LMLN: variants seen among roughly 807,000 people sequenced by gnomAD.
LMLN encodes leishmanolysin-like peptidase.
In LMLN, 70 loss-of-function variants were observed where a neutral mutation model predicts 92.3. That is an observed-to-expected ratio of 0.76 (90% CI 0.63 to 0.92). The LOEUF is 0.92. LMLN is among the 40% of genes least tolerant of loss of function. The probability of loss-of-function intolerance (pLI) is 0.00; values close to 1 mark genes in which losing one functional copy is unlikely to be tolerated. For missense variants in LMLN, 691 were observed against 814.6 expected (o/e 0.85, Z 1.85); for synonymous variants, 308 against 296.2 (o/e 1.04, Z -0.41).
intron 1 of LMLN, among the ~76,000 whole-genome samples, chr3:197,964,323 C>A (rs1481466885): frequency 6.6e-6 from 1 of 151,636 alleles, no homozygotes; most frequent in Non-Finnish European, 1.5e-5. Context: ...CTAAGTACAA[C>A]TTTAGCTGCT....
chr3:197,991,150 C>A (rs1222435213), intron 9 of LMLN, among the ~76,000 whole-genome samples: 2 of 148,938 alleles, frequency 1.3e-5, no homozygotes, highest in East Asian at 3.9e-4. Flanking sequence ...ACTCTGTCAC[C>A]CAGGCTGGAG....
intron 11 of LMLN, among the ~76,000 whole-genome samples, chr3:198,000,508 A>G (rs748540390): frequency 6.6e-6 from 1 of 151,948 alleles, no homozygotes; most frequent in Non-Finnish European, 1.5e-5. Flanking sequence ...GCTCACTGCA[A>G]CCTCCACCTC....
chr3:198,010,877 A>C (rs534427219), intron 11 of LMLN, among the ~76,000 whole-genome samples: 5 of 152,092 alleles, frequency 3.3e-5, no homozygotes, highest in African/African-American at 1.2e-4. Flanking sequence ...ACAAATTCCA[A>C]TATGTTATAT....
chr3:197,988,156 C>CT (rs996764695), intron 8 of LMLN, among the ~76,000 whole-genome samples: 43 of 146,624 alleles, frequency 2.9e-4, no homozygotes, highest in East Asian at 3.9e-4. Context: ...ATTCATCTAT[C>CT]TTTTTTTTTT....
At chr3:197,960,434 C>T in exon 1 of LMLN, 4 of 1,613,388 alleles carry the variant, frequency 2.5e-6, no homozygotes, top group Non-Finnish European at 3.4e-6. Flanking sequence ...TCCCCTCTGA[C>T]ACTGAGGTAG....
exon 13 of LMLN, chr3:198,021,487 T>G (rs1444817993): frequency 2.5e-6 from 4 of 1,614,150 alleles, no homozygotes; most frequent in South Asian, 2.2e-5. Context: ...AAGATTTGCC[T>G]TATTATGGTG....
At chr3:198,027,895 T>G (rs968924827) in intron 14 of LMLN, among the ~76,000 whole-genome samples, 1 of 152,228 alleles carries the variant, frequency 6.6e-6, no homozygotes, top group Non-Finnish European at 1.5e-5. Context: ...CATATGGCAA[T>G]TCTATGTTTA....
rs1219871139 is a variant in LMLN at position 198,042,388 on chromosome 3, G to C, written c.*3721G>C. The stretch of plus-strand genomic sequence containing the variant: ...TGGATGACAGAGTGAGACTTTCTTG[G>C]GAAAAAAAAAAATGACAGTGAAGCA... On this transcript the variant is annotated 3_prime_UTR_variant, in exon 16 of 16. Transcript: ENST00000330198. This position sits in a 1 kb window ranked among gnomAD's most constrained non-coding sequence, Gnocchi z 4.2. 6.7e-6 allele frequency: 1 copy of C among 149,982 alleles called. No homozygotes were observed. Among genetic ancestry groups the C allele is most frequent in the Non-Finnish European group, 1.5e-5 (1 of 67,858 alleles). The allele number at this position is 149,982 out of a possible 1,614,324, so 9.3% of individuals were successfully genotyped here. A position where few individuals can be genotyped will look rare whatever the true frequency, so the allele number is the denominator to read the frequency against.
rs575834359 is a variant in LMLN, at chr3:197,976,727, T to C, written c.549+12T>C. 4 of 1,379,876 alleles carry C rather than the reference T, an allele frequency of 2.9e-6. No individual in the cohort carries two copies. Among genetic ancestry groups the C allele is most frequent in the Non-Finnish European group, 4.0e-6 (4 of 1,006,612 alleles). The allele number at this position is 1,379,876 out of a possible 1,614,324, so 85.5% of individuals were successfully genotyped here. ...AGGAACATCTCCAGGTATTTCACCC[T>C]GCTCTTGGCAGTGCTTTTACACCTG... On this transcript the variant is annotated intron_variant, in intron 5 of 15. Coordinates refer to ENST00000330198, the Ensembl canonical transcript of LMLN.
intron 6 of LMLN, among the ~76,000 whole-genome samples, chr3:197,981,146 A>G (rs1004968599): frequency 1.3e-5 from 2 of 150,832 alleles, no homozygotes; most frequent in Non-Finnish European, 3.0e-5. Context: ...GGTGGCTCAC[A>G]CCTGTAATCC....
exon 1 of LMLN, chr3:197,960,219 T>G (rs748241628): frequency 8.1e-6 from 13 of 1,603,140 alleles, no homozygotes; most frequent in Middle Eastern, 1.8e-4. Context: ...CGTCACGCAC[T>G]CCATGGTAAC....
chr3:197,993,900 A>C (rs1560143100), intron 9 of LMLN, among the ~76,000 whole-genome samples: 2 of 152,226 alleles, frequency 1.3e-5, no homozygotes, highest in Non-Finnish European at 2.9e-5. Flanking sequence ...TGGTCCTGGC[A>C]TAAAAATAGG....
rs1235371020 is a variant in LMLN, at chr3:198,025,816, C to T, written c.1656+1028C>T. 6.6e-6 allele frequency among the ~76,000 whole-genome samples: 1 copy of T among 152,208 alleles called. No homozygotes were observed. Among genetic ancestry groups the T allele is most frequent in the Non-Finnish European group, 1.5e-5 (1 of 68,038 alleles). Reference sequence around the variant, plus strand: ...CCCTACAAATGGATGTCAGGGAGGACAGCGTAAGCCTGAGAAATGCAGAAT... The same window carrying T: ...CCCTACAAATGGATGTCAGGGAGGATAGCGTAAGCCTGAGAAATGCAGAAT... On this transcript the variant is annotated intron_variant, in intron 14 of 15. Transcript: ENST00000330198. The surrounding 1 kb of genome is among the most constrained non-coding windows in gnomAD (Gnocchi z 4.3).
chr3:197,975,154 A>T (rs1721334734), intron 3 of LMLN, 82 bp downstream of exon 3: 1 of 762,360 alleles, frequency 1.3e-6, no homozygotes, highest in Admixed American at 2.3e-5. Context: ...AGAAAAATAT[A>T]TACATGACTT....
At chr3:198,003,037 A>G in intron 11 of LMLN, 1 of 1,551,006 alleles carries the variant, frequency 6.4e-7, no homozygotes. Context: ...AAATTACAGC[A>G]TGGCTGAGAA....
chr3:198,032,978 C>G (rs547619102), intron 14 of LMLN, among the ~76,000 whole-genome samples: 3 of 152,180 alleles, frequency 2.0e-5, no homozygotes, highest in African/African-American at 7.2e-5. Context: ...AGTCCTGAGC[C>G]CTCTTGTGTT....
chr3:198,008,762 G>C (rs1214051934), intron 11 of LMLN, among the ~76,000 whole-genome samples: 1 of 152,178 alleles, frequency 6.6e-6, no homozygotes, highest in Non-Finnish European at 1.5e-5. Flanking sequence ...CCCAGTATAT[G>C]ATGAGGTGTT....
At position 197,960,608 on chromosome 3, in the gene LMLN, A is replaced by G. The variant is rs566698730; in HGVS notation, c.219+168A>G. ...CGCTCTCAGCTCCCTACACCCTGCA[A>G]GTTGGCTGTTAGGCGCTCAGAACAG... is the stretch of plus-strand genomic sequence containing the variant. On this transcript the variant is annotated intron_variant, in intron 1 of 15. Coordinates refer to ENST00000330198, the Ensembl canonical transcript of LMLN. Among the ~76,000 whole-genome samples the G allele has an allele frequency of 2.6e-5, 4 of 152,284 alleles. No individual in the cohort carries two copies. In the South Asian group the frequency reaches 8.3e-4, roughly 32 times the overall value.
At chr3:197,973,502 A>T (rs778695009) in intron 1 of LMLN, among the ~76,000 whole-genome samples, 15 of 152,074 alleles carry the variant, frequency 9.9e-5, no homozygotes, top group Non-Finnish European at 1.8e-4. Context: ...TCGGCCTCCC[A>T]AAGTCCCAAA....
Sources: gnomAD v4.1 joint callset for allele counts (sites outside exome capture counted in the v4.1 genomes callset) on GRCh38, gnomAD v4.1.1 for gene constraint, Gnocchi (gnomAD v3.1) non-coding constraint, MANE v1.5 for transcripts, NCBI Gene and HGNC (gene_info 2026-07-23, HGNC 2026-07-21) for gene names.